The following CCDC157 variants were observed in gnomAD, a reference collection of about 807,000 sequenced individuals.
CCDC157 encodes coiled-coil domain containing 157.
CCDC157 carries 60 observed loss-of-function variants against 70.9 expected under a neutral mutation model. The ratio of observed to expected loss-of-function variants is 0.85; its 90% CI spans 0.69 to 1.05. The LOEUF is 1.05. Among genes scored for constraint, CCDC157 ranks in the 50% least tolerant of loss-of-function variants. The pLI is 0.00. For synonymous variants in CCDC157, 373 were observed against 422.4 expected, an observed-to-expected ratio of 0.88 and a Z score of 1.43; for missense variants, 943 against 984.2, an observed-to-expected ratio of 0.96 and a Z score of 0.56.
intron 1 of CCDC157, among the ~76,000 whole-genome samples, chr22:30,360,720 T>G (rs1932276153): frequency 6.6e-6 from 1 of 152,002 alleles, no homozygotes; most frequent in Admixed American, 6.6e-5. Flanking sequence ...GAGACCAGCC[T>G]GACCAATATG....
intron 1 of CCDC157, among the ~76,000 whole-genome samples, chr22:30,360,366 G>A (rs1932246095): frequency 6.6e-6 from 1 of 151,754 alleles, no homozygotes. Flanking sequence ...TTAGCTGGGT[G>A]TTGTGGCGGG....
Position 30,372,155 on chromosome 22 carries a change from G to A in CCDC157, c.1204G>A (p.Val402Met), listed in dbSNP as rs148797876. The A allele has an allele frequency of 7.0e-6, 11 of 1,562,882 alleles. No individual in the cohort carries two copies. The highest frequency in any genetic ancestry group is 9.5e-6 in the Non-Finnish European group (11 of 1,154,768). Residue 402 changes from valine (V) to methionine (M), a missense_variant, in exon 7 of 12, where the codon GTG becomes ATG. Transcript: ENST00000338306. ...ERQVQQLEEQ[V>M]QQLEAQVQLL... is the part of the protein sequence containing the mutation. ...GCAGGTGCAGCAGCTGGAGGAGCAGGTGCAGCAGTTGGAGGCGCAGGTGCA... is the reference window on the plus strand; with the variant it reads ...GCAGGTGCAGCAGCTGGAGGAGCAGATGCAGCAGTTGGAGGCGCAGGTGCA...
chr22:30,374,330 A>G (rs1933184310), intron 9 of CCDC157: 1 of 635,646 alleles, frequency 1.6e-6, no homozygotes, highest in Non-Finnish European at 2.9e-6. Context: ...CTCTAGTCAC[A>G]ACAGCCAAAC....
intron 2 of CCDC157, among the ~76,000 whole-genome samples, chr22:30,362,466 G>A (rs746571513): frequency 2.2e-4 from 34 of 152,262 alleles, no homozygotes; most frequent in Admixed American, 2.6e-4. Flanking sequence ...GGGGAAGGGC[G>A]CATTCTGGGT....
chr22:30,361,622 C>T (rs922774879), intron 1 of CCDC157, among the ~76,000 whole-genome samples: 1 of 152,186 alleles, frequency 6.6e-6, no homozygotes, highest in Non-Finnish European at 1.5e-5. Context: ...CTTTTGGACA[C>T]TGCTGCTCTA....
At chr22:30,363,446 A>C (rs1013951964) in intron 2 of CCDC157, among the ~76,000 whole-genome samples, 1 of 152,002 alleles carries the variant, frequency 6.6e-6, no homozygotes, top group African/African-American at 2.4e-5. Flanking sequence ...TGGACCAAGC[A>C]CCTTACTCAT....
chr22:30,374,351 G>T, intron 9 of CCDC157: 1 of 626,852 alleles, frequency 1.6e-6, no homozygotes, highest in Non-Finnish European at 3.0e-6. Flanking sequence ...GCAGACACAG[G>T]TCTGGTTGTC....
intron 9 of CCDC157, chr22:30,374,570 GT>G (rs1207895282): frequency 6.6e-6 from 3 of 457,842 alleles, no homozygotes; most frequent in Non-Finnish European, 8.8e-6. Flanking sequence ...GGTGACCTGG[GT>G]TCTCCCAGCC....
chr22:30,376,119 A>G (rs1933336978), intron 10 of CCDC157, 140 bp from the exon 11 acceptor site: 2 of 708,658 alleles, frequency 2.8e-6, no homozygotes, highest in South Asian at 3.7e-5. Context: ...AAGGCTTCCT[A>G]GGCCCTGCCC....
rs1447039203 is a variant in CCDC157, at chr22:30,363,688, T to C, written c.-12+1574T>C. 1.3e-4 allele frequency among the ~76,000 whole-genome samples: 18 copies of C among 136,918 alleles called. 1 individual carries two copies. In the South Asian group the frequency reaches 2.2e-3, roughly 16 times the overall value. 89.8% of individuals were successfully genotyped at this position (136,918 alleles called of 152,430 possible). A position where few individuals can be genotyped will look rare whatever the true frequency, so the allele number is the denominator to read the frequency against. ...AAAATAAATGGAATGTTTCTCTTTTTTTTTTTTTTTTTTTTTTTAAGACAG... is the reference window on the plus strand; with the variant it reads ...AAAATAAATGGAATGTTTCTCTTTTCTTTTTTTTTTTTTTTTTTAAGACAG... On this transcript the variant is annotated intron_variant, in intron 2 of 11. Transcript: ENST00000338306.
intron 3 of CCDC157, 118 bp from the exon 4 acceptor site, chr22:30,369,313 GA>G: frequency 3.2e-6 from 3 of 936,688 alleles, no homozygotes; most frequent in Non-Finnish European, 4.4e-6. Flanking sequence ...AGCATATTCT[GA>G]GACTCTCCAA....
At chr22:30,371,767 G>C in intron 6 of CCDC157, 40 bp downstream of exon 6, 1 of 1,528,586 alleles carries the variant, frequency 6.5e-7, no homozygotes, top group South Asian at 1.1e-5. Context: ...CACATCTCAA[G>C]CCAGGGGTGT....
intron 1 of CCDC157, among the ~76,000 whole-genome samples, chr22:30,357,999 C>T (rs568973304): frequency 1.2e-4 from 19 of 152,292 alleles, no homozygotes; most frequent in African/African-American, 4.6e-4. Flanking sequence ...CTCACAGATG[C>T]AGCCCTGCAA....
chr22:30,376,159 C>T (rs545970597), intron 10 of CCDC157, 100 bp from the exon 11 acceptor site: 308 of 1,103,216 alleles, frequency 2.8e-4, no homozygotes, highest in Middle Eastern at 2.2e-3. Context: ...GATATGCGCC[C>T]GGCCCTTCCC....
chr22:30,375,482 G>A lies in CCDC157; in HGVS notation c.1676G>A (p.Gly559Asp). The A allele has an allele frequency of 6.2e-7, 1 of 1,614,086 alleles. No homozygotes were observed. Among genetic ancestry groups the A allele is most frequent in the Non-Finnish European group, 8.5e-7 (1 of 1,179,998 alleles). ...GGTCCTGTCCCATTGGGCACAGGAGGCAGATCCAGCAGCGTGGAATCCCAG... is the reference window on the plus strand; with the variant it reads ...GGTCCTGTCCCATTGGGCACAGGAGACAGATCCAGCAGCGTGGAATCCCAG... ...HRPTETQIHG[G>D]RSSSVESQIT... The change falls in exon 10 of 12, where the codon GGC becomes GAC. Residue 559 changes from glycine (G) to aspartate (D), a missense_variant. By Grantham distance (94) the Gly-to-Asp change is moderately conservative. Coordinates refer to ENST00000338306, the MANE Select transcript of CCDC157 (RefSeq NM_001017437.5).
In CCDC157 at chr22:30,376,415, G is replaced by T; in HGVS notation, c.1947-18G>T. ...TTCCCTGCATTCACAGGGGATCTTGGATCTGGTTTTCCTTCAGGCCTCTGG... is the reference window on the plus strand; with the variant it reads ...TTCCCTGCATTCACAGGGGATCTTGTATCTGGTTTTCCTTCAGGCCTCTGG... On this transcript the variant is annotated intron_variant, in intron 11 of 11. Coordinates refer to ENST00000338306, the MANE Select transcript of CCDC157 (RefSeq NM_001017437.5). 1 of 1,613,918 alleles carries T rather than the reference G, an allele frequency of 6.2e-7. No homozygotes were observed. Among genetic ancestry groups the T allele is most frequent in the Non-Finnish European group, 8.5e-7 (1 of 1,179,900 alleles).
rs770884623 is a variant in CCDC157 at position 30,373,816 on chromosome 22, G to A, written c.1503+52G>A. 6.5e-6 allele frequency: 10 copies of A among 1,531,830 alleles called. No individual in the cohort carries two copies. In the South Asian group the frequency reaches 9.8e-5, roughly 15 times the overall value. The allele number at this position is 1,531,830 out of a possible 1,614,324, so 94.9% of individuals were successfully genotyped here. A position where few individuals can be genotyped will look rare whatever the true frequency, so the allele number is the denominator to read the frequency against. On this transcript the variant is annotated intron_variant, in intron 8 of 11. Transcript: ENST00000338306. The stretch of plus-strand genomic sequence containing the variant: ...CAGAGAAGTCTCCGGCCAACTGAGT[G>A]CCTGCAGGCCTGTCCCATGTCTTTT...
intron 1 of CCDC157, among the ~76,000 whole-genome samples, chr22:30,361,076 A>T (rs916255315): frequency 5.3e-5 from 8 of 151,830 alleles, no homozygotes; most frequent in South Asian, 2.1e-4. Flanking sequence ...TTAAAAATTT[A>T]AAAAATAATA....
At position 30,375,592 on chromosome 22, in the gene CCDC157, C is replaced by T; in HGVS notation, c.1786C>T (p.Gln596Ter). The T allele has an allele frequency of 1.9e-6, 3 of 1,614,188 alleles. No homozygotes were observed. The highest frequency in any genetic ancestry group is 2.2e-5 in the South Asian group (2 of 91,086). Reference protein sequence around the residue: ...QSNDIRIRVLQEENGRLQSML... With the variant: ...QSNDIRIRVL ...CAACGACATCCGCATCCGGGTCCTA[C>T]AGGAGGAGAACGGGCGGCTCCAATC... The change falls in exon 10 of 12, where the codon CAG becomes TAG. Residue 596 changes from glutamine to a stop codon, truncating the protein, a stop_gained. Coordinates refer to ENST00000338306, the MANE Select transcript of CCDC157 (RefSeq NM_001017437.5). LOFTEE classifies it high-confidence loss of function.
Sources: allele counts gnomAD v4.1 joint callset (sites outside exome capture counted in the v4.1 genomes callset), GRCh38; gene constraint gnomAD v4.1.1; transcripts MANE v1.5; gene names NCBI Gene and HGNC (gene_info 2026-07-23, HGNC 2026-07-21).